The following LRRC23 variants were observed in gnomAD, a reference collection of about 807,000 sequenced individuals.
LRRC23 encodes the protein leucine-rich repeat-containing protein 23.
In LRRC23, 28 loss-of-function variants were observed where a neutral mutation model predicts 37.7. The observed-to-expected ratio is 0.74, with a 90% confidence interval of 0.55 to 1.02. The LOEUF is 1.02. LRRC23 is among the 50% of genes least tolerant of loss of function. LRRC23 has a pLI of 0.00. For missense variants in LRRC23, 377 were observed against 413.2 expected (o/e 0.91, Z 0.76); for synonymous variants, 161 against 165.4 (o/e 0.97, Z 0.20).
chr12:6,910,685 G>C (rs987689433), intron 6 of LRRC23, among the ~76,000 whole-genome samples: 5 of 152,100 alleles, frequency 3.3e-5, no homozygotes, highest in African/African-American at 1.2e-4. Flanking sequence ...TCCAGCCTGG[G>C]TGACAGAGCC....
Position 6,906,443 on chromosome 12 carries a change from A to G in LRRC23, c.271A>G (p.Ile91Val), listed in dbSNP as rs782187688. 5.6e-6 allele frequency: 9 copies of G among 1,613,924 alleles called. No homozygotes were observed. Among genetic ancestry groups the G allele is most frequent in the Non-Finnish European group, 7.6e-6 (9 of 1,180,004 alleles). ...LTDIYLLRSY[I>V]HLRYVDISEN... ...AGACATCTACTTGCTGCGCTCCTACATCCATCTGCGCTATGTGGATATTTC... is the reference window on the plus strand; with the variant it reads ...AGACATCTACTTGCTGCGCTCCTACGTCCATCTGCGCTATGTGGATATTTC... The change falls in exon 4 of 8, where the codon ATC becomes GTC. Residue 91 changes from isoleucine to valine, a missense_variant. Around this residue, in one of 3 missense-constraint regions of LRRC23, gnomAD observed 106 missense variants for 105.9 expected, o/e 1.00. Transcript: ENST00000443597.
In LRRC23 at chr12:6,907,433, G is replaced by A; in HGVS notation, c.609G>A (p.Lys203=). 8.7e-6 allele frequency: 14 copies of A among 1,614,032 alleles called. No individual in the cohort carries two copies. The highest frequency in any genetic ancestry group is 1.2e-5 in the Non-Finnish European group (14 of 1,179,994). The change falls in exon 5 of 8, where the codon AAG becomes AAA. Residue 203 remains lysine, a synonymous_variant. Coordinates refer to ENST00000443597, the MANE Select transcript of LRRC23 (RefSeq NM_001135217.2). ...STLGINLPKL[K]NLYLAQNMLK... ...TGGGAATCAATCTTCCTAAGCTGAA[G>A]AACCTCTACCTGGTAGCTCACTGGG...
intron 5 of LRRC23, among the ~76,000 whole-genome samples, chr12:6,909,445 GTATATAA>G (rs782458007): frequency 0.01 from 686 of 67,564 alleles, 54 homozygotes; most frequent in East Asian, 0.07. Context: ...ATATATAATA[GTATATAA>G]TATATAATAT....
At chr12:6,910,525 A>G (rs1179622812) in intron 6 of LRRC23, among the ~76,000 whole-genome samples, 1 of 152,120 alleles carries the variant, frequency 6.6e-6, no homozygotes, top group Non-Finnish European at 1.5e-5. Context: ...TCTGGGCAAC[A>G]TGGCAAAATC....
intron 6 of LRRC23, among the ~76,000 whole-genome samples, chr12:6,912,392 G>T (rs782213754): frequency 5.9e-5 from 9 of 152,156 alleles, no homozygotes; most frequent in Admixed American, 5.9e-4. Context: ...CCTCCATTTA[G>T]GTGTGATCAC....
rs1944958756 is a variant in LRRC23, at chr12:6,906,680, G to A, written c.490+18G>A. 6.2e-7 allele frequency: 1 copy of A among 1,611,544 alleles called. No homozygotes were observed. Among genetic ancestry groups the A allele is most frequent in the African/African-American group, 1.3e-5 (1 of 74,886 alleles). ...TCTCAAAGGTGGGTCTTTAGGATGG[G>A]CTACACAAGATTCTTTCCTTCCTAG... On this transcript the variant is annotated intron_variant, in intron 4 of 7. Coordinates refer to ENST00000443597, the MANE Select transcript of LRRC23 (RefSeq NM_001135217.2).
At position 6,906,422 on chromosome 12, in the gene LRRC23, A is replaced by G. The variant is rs781846406; in HGVS notation, c.250A>G (p.Ile84Val). The change falls in exon 4 of 8, where the codon ATC (isoleucine) becomes GTC (valine). Residue 84 changes from isoleucine (I) to valine (V), a missense_variant. By Grantham distance (29) the Ile-to-Val change is conservative (BLOSUM62 3). Coordinates refer to ENST00000443597, the MANE Select transcript of LRRC23 (RefSeq NM_001135217.2). ...TCCATCTCCTAGGGACCTGACAGAC[A>G]TCTACTTGCTGCGCTCCTACATCCA... Reference protein sequence around the residue: ...LEVKERDLTDIYLLRSYIHLR... With the variant: ...LEVKERDLTDVYLLRSYIHLR... The G allele has an allele frequency of 5.6e-6, 9 of 1,613,864 alleles. No individual in the cohort carries two copies. Among genetic ancestry groups the G allele is most frequent in the Non-Finnish European group, 7.6e-6 (9 of 1,180,000 alleles).
chr12:6,912,197 T>A (rs1945175531), intron 6 of LRRC23, among the ~76,000 whole-genome samples: 1 of 152,068 alleles, frequency 6.6e-6, no homozygotes, highest in South Asian at 2.1e-4. Flanking sequence ...TCCTACAGGG[T>A]GGAGTGCAGT....
chr12:6,906,779 A>ATTCC, intron 4 of LRRC23, 117 bp downstream of exon 4: 2 of 1,108,050 alleles, frequency 1.8e-6, no homozygotes, highest in African/African-American at 1.6e-5. Context: ...TCATTCATTC[A>ATTCC]GATACGCAAT....
rs1944956403 is a variant in LRRC23, at chr12:6,906,614, G to A, written c.442G>A (p.Asp148Asn). ...IASFAYNQIT[D>N]TEGISHPRLE... ...TAGTTTTGCTTATAACCAGATTACT[G>A]ACACTGAAGGCATCTCTCATCCTCG... The change falls in exon 4 of 8, where the codon GAC (aspartate) becomes AAC (asparagine). Residue 148 changes from aspartate (D) to asparagine (N), a missense_variant. Around this residue, in one of 3 missense-constraint regions of LRRC23, gnomAD observed 266 missense variants for 285.6 expected, o/e 0.93. Coordinates refer to ENST00000443597, the MANE Select transcript of LRRC23 (RefSeq NM_001135217.2). 1 of 1,614,024 alleles carries A rather than the reference G, an allele frequency of 6.2e-7. No individual in the cohort carries two copies. The highest frequency in any genetic ancestry group is 1.7e-5 in the Admixed American group (1 of 59,992).
At position 6,909,114 on chromosome 12, in the gene LRRC23, C is replaced by G. The variant is rs12315498; in HGVS notation, c.622-776C>G. On this transcript the variant is annotated intron_variant, in intron 5 of 7. Transcript: ENST00000443597. ...ATATATTATATATAATATATAATTA[C>G]ATATAATATATAATATATAATTATA... 9.3e-4 allele frequency among the ~76,000 whole-genome samples: 5 copies of G among 5,370 alleles called. 2 individuals are homozygous for G. The African/African-American group carries it at 0.01, about 11-fold the overall frequency. The allele number at this position is 5,370 out of a possible 152,430, so 3.5% of individuals were successfully genotyped here.
chr12:6,912,972 G>A lies in LRRC23; in HGVS notation c.1001G>A (p.Arg334His), dbSNP rs781881095. ...EEKEQEPEPQ[R>H]DLEPEQSLI ...AAGGAGCAGGAGCCTGAGCCCCAGC[G>A]TGACCTGGAACCCGAACAGTCATTG... Residue 334 changes from arginine (R) to histidine (H), a missense_variant, in exon 7 of 8, where the codon CGT becomes CAT. This residue lies in a region of LRRC23 where 266 missense variants were observed against 285.6 expected (regional missense o/e 0.93). Coordinates refer to ENST00000443597, the MANE Select transcript of LRRC23 (RefSeq NM_001135217.2). The A allele has an allele frequency of 1.4e-5, 22 of 1,613,994 alleles. No homozygotes were observed. The highest frequency in any genetic ancestry group is 8.9e-5 in the East Asian group (4 of 44,900).
chr12:6,907,411 GAATC>G lies in LRRC23; in HGVS notation c.592_595del (p.Asn198PhefsTer4), dbSNP rs782594676. 1.9e-6 allele frequency: 3 copies of G among 1,613,882 alleles called. No homozygotes were observed. The highest frequency in any genetic ancestry group is 1.7e-5 in the Admixed American group (1 of 59,972). ...GGGAACCAGCTGGAAAGCACCCTGGGAATCAATCTTCCTAAGCTGAAGAACCTCT... is the reference window on the plus strand; with the variant it reads ...GGGAACCAGCTGGAAAGCACCCTGGGAATCTTCCTAAGCTGAAGAACCTCT... On this transcript the variant is annotated frameshift_variant, in exon 5 of 8. Transcript: ENST00000443597. LOFTEE classifies it high-confidence loss of function.
intron 6 of LRRC23, among the ~76,000 whole-genome samples, chr12:6,912,050 G>T (rs762107927): frequency 3.9e-5 from 6 of 152,156 alleles, no homozygotes; most frequent in Non-Finnish European, 7.4e-5. Flanking sequence ...AGGCACATTA[G>T]GAGATGAAGT....
At position 6,913,929 on chromosome 12, in the gene LRRC23, C is replaced by T. The variant is rs377705526; in HGVS notation, c.*63C>T. ...CTGGCCTTCAGACCTGATCAGACTC[C>T]CAGGGGCAGCCACCACATGTATGAC... On this transcript the variant is annotated 3_prime_UTR_variant, in exon 8 of 8. Coordinates refer to ENST00000443597, the MANE Select transcript of LRRC23 (RefSeq NM_001135217.2). 134 of 1,610,482 alleles carry T rather than the reference C, an allele frequency of 8.3e-5. No homozygotes were observed. The highest frequency in any genetic ancestry group is 1.1e-4 in the Non-Finnish European group (130 of 1,178,416).
At chr12:6,909,842 C>G (rs372280626) in intron 5 of LRRC23, 48 bp from the exon 6 acceptor site, 68 of 1,558,146 alleles carry the variant, frequency 4.4e-5, no homozygotes, top group Non-Finnish European at 5.9e-5. Flanking sequence ...CTCTTTCTTC[C>G]CTATCCCTGC....
chr12:6,907,621 T>C (rs1565552513), intron 5 of LRRC23, 176 bp downstream of exon 5: 1 of 694,146 alleles, frequency 1.4e-6, no homozygotes, highest in Non-Finnish European at 2.6e-6. Flanking sequence ...CTAGCAGGGC[T>C]GATAATATAT....
intron 5 of LRRC23, among the ~76,000 whole-genome samples, chr12:6,908,951 C>T (rs1346498728): frequency 7.5e-6 from 1 of 133,584 alleles, no homozygotes; most frequent in East Asian, 2.0e-4. Context: ...CCCAGCACAC[C>T]CAACTTTATA....
rs200608006 is a variant in LRRC23, at chr12:6,912,926, C to T, written c.955C>T (p.Arg319Ter). ...GGAACGGGCTGAGGCTGATGTGATTCGACAGAGGCTGAAGGAAGAAAAGGA... is the reference window on the plus strand; with the variant it reads ...GGAACGGGCTGAGGCTGATGTGATTTGACAGAGGCTGAAGGAAGAAAAGGA... ...EEERAEADVI[R>*]QRLKEEKEQE... The change falls in exon 7 of 8, where the codon CGA (arginine) becomes TGA (stop). Residue 319 changes from arginine to a stop codon, truncating the protein, a stop_gained. Transcript: ENST00000443597. LOFTEE classifies it high-confidence loss of function. 32 of 1,613,922 alleles carry T rather than the reference C, an allele frequency of 2.0e-5. No homozygotes were observed. Among genetic ancestry groups the T allele is most frequent in the East Asian group, 2.2e-5 (1 of 44,896 alleles).
Sources: allele counts gnomAD v4.1 joint callset (sites outside exome capture counted in the v4.1 genomes callset), GRCh38; gene constraint gnomAD v4.1.1; regional missense constraint gnomAD v4.1.1; transcripts MANE v1.5; gene names NCBI Gene and HGNC (gene_info 2026-07-23, HGNC 2026-07-21).